IQCH: variants seen among roughly 807,000 people sequenced by gnomAD.
IQCH encodes the protein IQ motif containing H.
In IQCH, 98 loss-of-function variants were observed where a neutral mutation model predicts 117.0. The observed-to-expected ratio is 0.84, with a 90% CI of 0.71 to 0.99. The LOEUF is 0.99. IQCH is among the 50% of genes least tolerant of loss of function. The pLI is 0.00. For missense variants in IQCH, 1,102 were observed against 1,243.8 expected, an observed-to-expected ratio of 0.89 and a Z score of 1.72; for synonymous variants, 412 against 448.2, an observed-to-expected ratio of 0.92 and a Z score of 1.02.
chr15:67,395,278 G>C lies in IQCH; in HGVS notation c.1633-13G>C. The C allele has an allele frequency of 6.2e-7, 1 of 1,606,032 alleles. No homozygotes were observed. Among genetic ancestry groups the C allele is most frequent in the Non-Finnish European group, 8.5e-7 (1 of 1,174,868 alleles). ...GGACACCTTTTAACAAGAATAATAT[G>C]ATCTTCCCCCAGAAGCATCATATGT... is the stretch of plus-strand genomic sequence containing the variant. On this transcript the variant is annotated splice_polypyrimidine_tract_variant and intron_variant, in intron 12 of 20. Coordinates refer to ENST00000335894, the MANE Select transcript of IQCH (RefSeq NM_001031715.3). The surrounding 1 kb of genome is among the most constrained non-coding windows in gnomAD (Gnocchi z 4.0).
intron 4 of IQCH, among the ~76,000 whole-genome samples, chr15:67,328,162 T>G (rs959848803): frequency 3.1e-4 from 5 of 16,254 alleles, no homozygotes; most frequent in Non-Finnish European, 9.5e-4. Context: ...TGTTTTTAGT[T>G]TTTTTTTTAC....
In IQCH at chr15:67,417,030, C is replaced by T. The variant is rs2081594875; in HGVS notation, c.2197C>T (p.Leu733Phe). Residue 733 changes from leucine (L) to phenylalanine (F), a missense_variant, in exon 15 of 21, where the codon CTC becomes TTC. Around this residue, in one of 2 missense-constraint regions of IQCH, gnomAD observed 650 missense variants for 794.3 expected, o/e 0.82. Coordinates refer to ENST00000335894, the MANE Select transcript of IQCH (RefSeq NM_001031715.3). The surrounding 1 kb of genome is among the most constrained non-coding windows in gnomAD (Gnocchi z 4.3). ...EKRFPTWRKFLQTFLSQGGVI... is the reference protein window; with the variant it reads ...EKRFPTWRKFFQTFLSQGGVI... The stretch of plus-strand genomic sequence containing the variant: ...ACGGTTCCCGACGTGGAGGAAATTC[C>T]TCCAAACATTTCTCAGTCAAGGTAA... 6.2e-7 allele frequency: 1 copy of T among 1,609,076 alleles called. No individual in the cohort carries two copies.
chr15:67,384,596 T>A lies in IQCH; in HGVS notation c.1373-340T>A, dbSNP rs1397575408. On this transcript the variant is annotated intron_variant, in intron 10 of 20. Coordinates refer to ENST00000335894, the MANE Select transcript of IQCH (RefSeq NM_001031715.3). The surrounding 1 kb of genome is among the most constrained non-coding windows in gnomAD (Gnocchi z 4.3). ...TAAGAAGCCAAAACGATATTTTTTT[T>A]AACCTGAGCATAATTTTCTTACACA... 1.3e-5 allele frequency among the ~76,000 whole-genome samples: 2 copies of A among 152,150 alleles called. No homozygotes were observed. The highest frequency in any genetic ancestry group is 2.9e-5 in the Non-Finnish European group (2 of 68,012).
Position 67,478,916 on chromosome 15 carries a change from C to G in IQCH, c.2799+3098C>G, listed in dbSNP as rs575936845. Among the ~76,000 whole-genome samples, 176 of 150,898 alleles carry G rather than the reference C, an allele frequency of 1.2e-3. 1 individual carries two copies. Among genetic ancestry groups the G allele is most frequent in the African/African-American group, 4.2e-3 (171 of 41,090 alleles). On this transcript the variant is annotated intron_variant, in intron 18 of 20. Coordinates refer to ENST00000335894, the MANE Select transcript of IQCH (RefSeq NM_001031715.3). ...TCCAGCCTGGTGACAGAGCAAGACT[C>G]TGTCTCAAAAAAAAAAGAAAGAAAT... is the stretch of plus-strand genomic sequence containing the variant.
In IQCH at chr15:67,447,646, G is replaced by A. The variant is rs935103483; in HGVS notation, c.2506-17481G>A. On this transcript the variant is annotated intron_variant, in intron 16 of 20. Coordinates refer to ENST00000335894, the MANE Select transcript of IQCH (RefSeq NM_001031715.3). The surrounding 1 kb of genome is among the most constrained non-coding windows in gnomAD (Gnocchi z 5.3). ...GCTAGAGTGCTTGGAGTCCCCTGGG[G>A]TGAGCAACTGGAGGACAGGAGAAGG... Among the ~76,000 whole-genome samples, 6 of 152,146 alleles carry A rather than the reference G, an allele frequency of 3.9e-5. No homozygotes were observed. The highest frequency in any genetic ancestry group is 6.5e-5 in the Admixed American group (1 of 15,268).
intron 4 of IQCH, among the ~76,000 whole-genome samples, chr15:67,315,149 A>T (rs1967785840): frequency 6.6e-6 from 1 of 152,206 alleles, no homozygotes. Flanking sequence ...ATGTATTCTG[A>T]GGAGAGCTAT....
intron 4 of IQCH, among the ~76,000 whole-genome samples, chr15:67,328,438 G>C (rs1006435275): frequency 6.6e-6 from 1 of 152,052 alleles, no homozygotes; most frequent in Non-Finnish European, 1.5e-5. Context: ...CTTCAGAATA[G>C]TATACAAATA....
At position 67,304,597 on chromosome 15, in the gene IQCH, C is replaced by T. The variant is rs111971152; in HGVS notation, c.387+25085C>T. 390 of 466,774 alleles carry T rather than the reference C, an allele frequency of 8.4e-4. 1 individual carries two copies. Among genetic ancestry groups the T allele is most frequent in the African/African-American group, 7.3e-3 (362 of 49,484 alleles). 28.9% of individuals were successfully genotyped at this position (466,774 alleles called of 1,614,324 possible). ...AATTTTTTGGAGATGAAATGGCTCT[C>T]ATTCTGTTTATAATTAGCAATGATT... On this transcript the variant is annotated intron_variant, in intron 4 of 20. Coordinates refer to ENST00000335894, the MANE Select transcript of IQCH (RefSeq NM_001031715.3).
intron 18 of IQCH, among the ~76,000 whole-genome samples, chr15:67,486,593 A>G (rs1433963017): frequency 6.6e-6 from 1 of 152,212 alleles, no homozygotes; most frequent in Non-Finnish European, 1.5e-5. Context: ...TGAAATGGGA[A>G]CCACTTACTA....
At position 67,358,175 on chromosome 15, in the gene IQCH, T is replaced by C. The variant is rs112761311; in HGVS notation, c.714+754T>C. ...CGCCTGGCCTTTTTTTTTTTTTTTT[T>C]CTTTTTTAACCATCATGAGGCACTT... On this transcript the variant is annotated intron_variant, in intron 7 of 20. Transcript: ENST00000335894. 6.1e-3 allele frequency among the ~76,000 whole-genome samples: 468 copies of C among 76,258 alleles called. 9 individuals are homozygous for C. Among genetic ancestry groups the C allele is most frequent in the African/African-American group, 0.021 (429 of 20,670 alleles). The allele number at this position is 76,258 out of a possible 152,430, so 50.0% of individuals were successfully genotyped here. A position where few individuals can be genotyped will look rare whatever the true frequency, so the allele number is the denominator to read the frequency against.
rs1003873782 is a variant in IQCH, at chr15:67,463,539, C to A, written c.2506-1588C>A. On this transcript the variant is annotated intron_variant, in intron 16 of 20. Coordinates refer to ENST00000335894, the MANE Select transcript of IQCH (RefSeq NM_001031715.3). This position sits in a 1 kb window ranked among gnomAD's most constrained non-coding sequence, Gnocchi z 4.0. ...CAGTGGATTTGGGTACCTCCCTGAACCTCAGTTTCTTCATCTGTGACATGG... is the reference window on the plus strand; with the variant it reads ...CAGTGGATTTGGGTACCTCCCTGAAACTCAGTTTCTTCATCTGTGACATGG... 1.3e-5 allele frequency among the ~76,000 whole-genome samples: 2 copies of A among 152,168 alleles called. No homozygotes were observed. Among genetic ancestry groups the A allele is most frequent in the African/African-American group, 4.8e-5 (2 of 41,424 alleles).
chr15:67,274,207 T>G (rs1966027366), intron 3 of IQCH, among the ~76,000 whole-genome samples: 1 of 152,234 alleles, frequency 6.6e-6, no homozygotes, highest in African/African-American at 2.4e-5. Flanking sequence ...TTTCTGTCTT[T>G]CTAAAGTTTT....
rs150533855 is a variant in IQCH, at chr15:67,289,050, A to C, written c.387+9538A>C. 1.9e-3 allele frequency among the ~76,000 whole-genome samples: 296 copies of C among 152,264 alleles called. 3 individuals carry two copies. Among genetic ancestry groups the C allele is most frequent in the African/African-American group, 6.8e-3 (283 of 41,578 alleles). On this transcript the variant is annotated intron_variant, in intron 4 of 20. Coordinates refer to ENST00000335894, the MANE Select transcript of IQCH (RefSeq NM_001031715.3). ...GCATGGCTTATCTGGGGGGAACCCA[A>C]TGAGTTCCTCATGGTTAAAATGTAG...
In IQCH at chr15:67,465,292, A is replaced by G. The variant is rs780771551; in HGVS notation, c.2671A>G (p.Met891Val). The G allele has an allele frequency of 3.7e-6, 6 of 1,613,296 alleles. No individual in the cohort carries two copies. Among genetic ancestry groups the G allele is most frequent in the Non-Finnish European group, 5.1e-6 (6 of 1,179,924 alleles). Reference sequence around the variant, plus strand: ...AACCAAATGCATGAGTGCGCTGTCAATGCCGGTAAGCAAGAGGTGCTTCCT... The same window carrying G: ...AACCAAATGCATGAGTGCGCTGTCAGTGCCGGTAAGCAAGAGGTGCTTCCT... Reference protein sequence around the residue: ...KKTKCMSALSMPMLATSRYAV... With the variant: ...KKTKCMSALSVPMLATSRYAV... The change falls in exon 17 of 21, where the codon ATG (methionine) becomes GTG (valine). Residue 891 changes from methionine (M) to valine (V), a missense_variant. By Grantham distance (21) the Met-to-Val change is conservative. This residue lies in a region of IQCH where 650 missense variants were observed against 794.3 expected (regional missense o/e 0.82). Coordinates refer to ENST00000335894, the MANE Select transcript of IQCH (RefSeq NM_001031715.3). This position sits in a 1 kb window ranked among gnomAD's most constrained non-coding sequence, Gnocchi z 5.9.
rs1008726771 is a variant in IQCH, at chr15:67,385,245, G to A, written c.1456+226G>A. On this transcript the variant is annotated intron_variant, in intron 11 of 20. Transcript: ENST00000335894. This position sits in a 1 kb window ranked among gnomAD's most constrained non-coding sequence, Gnocchi z 4.6. ...ATGACATTTTAACCAATTTACTTGG[G>A]CAGTTTTCTAGATTATCTTTGCTGC... Among the ~76,000 whole-genome samples the A allele has an allele frequency of 4.6e-5, 7 of 152,022 alleles. No homozygotes were observed. Among genetic ancestry groups the A allele is most frequent in the Admixed American group, 3.9e-4 (6 of 15,256 alleles).
In IQCH at chr15:67,411,593, C is replaced by T. The variant is rs2081451645; in HGVS notation, c.2098-5338C>T. ...CCAAAAAGTTATTAATTCACCACTG[C>T]AGATTGGCACATGACCCAATTACAC... On this transcript the variant is annotated intron_variant, in intron 14 of 20. Transcript: ENST00000335894. This position sits in a 1 kb window ranked among gnomAD's most constrained non-coding sequence, Gnocchi z 4.4. 1.3e-5 allele frequency among the ~76,000 whole-genome samples: 2 copies of T among 152,104 alleles called. No homozygotes were observed. The highest frequency in any genetic ancestry group is 4.2e-4 in the South Asian group (2 of 4,798).
Position 67,364,653 on chromosome 15 carries a change from T to C in IQCH, c.753+4768T>C, listed in dbSNP as rs1035858367. 6.6e-6 allele frequency among the ~76,000 whole-genome samples: 1 copy of C among 152,164 alleles called. No homozygotes were observed. The highest frequency in any genetic ancestry group is 2.4e-5 in the African/African-American group (1 of 41,456). ...TGTGACCTGATCATTCATAGAAAAT[T>C]TGGAAAATTCAGAAAAGAGAAAAAA... On this transcript the variant is annotated intron_variant, in intron 8 of 20. Coordinates refer to ENST00000335894, the MANE Select transcript of IQCH (RefSeq NM_001031715.3). This position sits in a 1 kb window ranked among gnomAD's most constrained non-coding sequence, Gnocchi z 4.1.
intron 20 of IQCH, among the ~76,000 whole-genome samples, chr15:67,499,939 T>C (rs944493893): frequency 6.6e-6 from 1 of 152,058 alleles, no homozygotes; most frequent in Non-Finnish European, 1.5e-5. Flanking sequence ...AGAAATAGAT[T>C]AGTGGTTGCC....
intron 19 of IQCH, among the ~76,000 whole-genome samples, chr15:67,492,717 A>G (rs2083693797): frequency 6.6e-6 from 1 of 152,106 alleles, no homozygotes; most frequent in African/African-American, 2.4e-5. Context: ...AATTGATGGG[A>G]TGAGACAGGG....
Sources: gnomAD v4.1 joint callset for allele counts (sites outside exome capture counted in the v4.1 genomes callset) on GRCh38, gnomAD v4.1.1 for gene constraint, gnomAD v4.1.1 regional missense constraint, Gnocchi (gnomAD v3.1) non-coding constraint, MANE v1.5 for transcripts, NCBI Gene and HGNC (gene_info 2026-07-23, HGNC 2026-07-21) for gene names.